TF: variants seen among roughly 807,000 people sequenced by gnomAD.
The protein encoded by TF is transferrin.
TF carries 55 observed loss-of-function variants against 82.4 expected under a neutral mutation model. The ratio of observed to expected loss-of-function variants is 0.67; its 90% CI spans 0.54 to 0.84. The LOEUF is 0.84. Among genes scored for constraint, TF ranks in the 40% least tolerant of loss-of-function variants. TF has a pLI of 0.00. For synonymous variants in TF, 332 were observed against 332.6 expected (o/e 1.00, Z 0.02); for missense variants, 737 against 868.4 (o/e 0.85, Z 1.90).
the TF span, among the ~76,000 whole-genome samples, chr3:133,726,249 T>C: frequency 6.6e-6 from 1 of 152,254 alleles, no homozygotes; most frequent in Admixed American, 6.5e-5. Context: ...TTCCTCCTTG[T>C]ACCTCTGGTA....
At chr3:133,689,566 T>C in the TF span, among the ~76,000 whole-genome samples, 2 of 152,108 alleles carry the variant, frequency 1.3e-5, no homozygotes, top group Non-Finnish European at 2.9e-5. Context: ...AGTACATGCA[T>C]GAAATTTTAA....
rs1488474362 is a variant in TF, at chr3:133,782,434, C to CAT, written c.*3815_*3816insTA. The CAT allele has an allele frequency of 6.6e-6, 1 of 152,084 alleles. No homozygotes were observed. The highest frequency in any genetic ancestry group is 2.4e-5 in the African/African-American group (1 of 41,372). The allele number at this position is 152,084 out of a possible 1,614,324, so 9.4% of individuals were successfully genotyped here. A position where few individuals can be genotyped will look rare whatever the true frequency, so the allele number is the denominator to read the frequency against. On this transcript the variant is annotated 3_prime_UTR_variant, in exon 17 of 17. Coordinates refer to ENST00000402696, the MANE Select transcript of TF (RefSeq NM_001063.4). ...TAAAGAAACTGTATACACACACACA[C>CAT]ACACACAATGGAATATTATTCAGCC...
At chr3:133,711,898 A>G in the TF span, among the ~76,000 whole-genome samples, 1 of 151,946 alleles carries the variant, frequency 6.6e-6, no homozygotes. Flanking sequence ...GAAGGCCTCC[A>G]TGAGGCTCTC....
intron 16 of TF, chr3:133,777,492 G>A (rs1934425821): frequency 4.0e-6 from 2 of 496,394 alleles, no homozygotes; most frequent in East Asian, 3.6e-5. Flanking sequence ...TTATTTCTAA[G>A]AAAAGGACTG....
In TF at chr3:133,756,255, C is replaced by T. The variant is rs746396662; in HGVS notation, c.636-27C>T. On this transcript the variant is annotated intron_variant, in intron 5 of 16. Transcript: ENST00000402696. The stretch of plus-strand genomic sequence containing the variant: ...AGGAGAAGGGCCTGCCCTGCAGGAG[C>T]CCTGCTGATGTGTTTCTTTGACCCA... 3.7e-6 allele frequency: 6 copies of T among 1,612,544 alleles called. No homozygotes were observed. In the Admixed American group the frequency reaches 8.3e-5, roughly 22 times the overall value.
Position 133,790,306 on chromosome 3 carries a change from C to T in TF, c.*11686C>T, listed in dbSNP as rs545852763. ...ATATCTGATAGTTCAGGATTTCTAG[C>T]TTTTTAGCGTTTCACTAAAGTTTTA... On this transcript the variant is annotated 3_prime_UTR_variant, in exon 17 of 17. Coordinates refer to ENST00000402696, the MANE Select transcript of TF (RefSeq NM_001063.4). 6.6e-6 allele frequency: 1 copy of T among 152,220 alleles called. No homozygotes were observed. Among genetic ancestry groups the T allele is most frequent in the South Asian group, 2.1e-4 (1 of 4,820 alleles). 9.4% of individuals were successfully genotyped at this position (152,220 alleles called of 1,614,324 possible).
upstream of TF, among the ~76,000 whole-genome samples, chr3:133,742,207 C>T (rs574865522): frequency 3.9e-5 from 6 of 152,246 alleles, no homozygotes; most frequent in Admixed American, 2.0e-4. Context: ...GTCTTGAACT[C>T]GTGAGCTCAA....
At chr3:133,750,297 A>G (rs1174183002) in intron 2 of TF, among the ~76,000 whole-genome samples, 1 of 152,154 alleles carries the variant, frequency 6.6e-6, no homozygotes, top group Non-Finnish European at 1.5e-5. Context: ...GCCATGCCAG[A>G]GTCTGGTCAG....
the TF span, among the ~76,000 whole-genome samples, chr3:133,665,756 C>A: frequency 6.6e-6 from 1 of 151,686 alleles, no homozygotes; most frequent in South Asian, 2.1e-4. Context: ...ACCAGCCTGA[C>A]CAACATGAAG....
intron 2 of TF, among the ~76,000 whole-genome samples, chr3:133,750,779 A>AT (rs1184617909): frequency 2.6e-5 from 4 of 151,684 alleles, no homozygotes; most frequent in Non-Finnish European, 5.9e-5. Flanking sequence ...TTTTTTAAAA[A>AT]ATATATATAT....
chr3:133,776,005 T>C (rs2715627), intron 15 of TF, among the ~76,000 whole-genome samples: 36,707 of 152,136 alleles, frequency 0.24, 4,678 homozygotes, highest in Middle Eastern at 0.28. Flanking sequence ...ATTATGGAAC[T>C]AGACCTCTCA....
upstream of TF, chr3:133,746,177 TGTC>T: frequency 1.7e-6 from 1 of 577,128 alleles, no homozygotes; most frequent in South Asian, 1.9e-5. Flanking sequence ...TTGTGCTTCA[TGTC>T]CCTTCCCATC....
rs41296598 is a variant in TF at position 133,775,550 on chromosome 3, C to T, written c.1805C>T (p.Pro602Leu). Reference sequence around the variant, plus strand: ...GCGAACTGCCACCTGGCCAGAGCCCCGAATCACGCTGTGGTCACACGGAAA... The same window carrying T: ...GCGAACTGCCACCTGGCCAGAGCCCTGAATCACGCTGTGGTCACACGGAAA... ...EYANCHLARA[P>L]NHAVVTRKDK... The change falls in exon 15 of 17, where the codon CCG becomes CTG. Residue 602 changes from proline (P) to leucine (L), a missense_variant. By Grantham distance (98) the Pro-to-Leu change is moderately conservative. Transcript: ENST00000402696. The T allele has an allele frequency of 3.6e-5, 58 of 1,614,154 alleles. No individual in the cohort carries two copies. Among genetic ancestry groups the T allele is most frequent in the East Asian group, 1.6e-4 (7 of 44,880 alleles).
At chr3:133,709,770 G>T in the TF span, 1 of 152,820 alleles carries the variant, frequency 6.5e-6, no homozygotes, top group African/African-American at 2.4e-5. Flanking sequence ...GCCATAAATG[G>T]GTGGTGAGCT....
chr3:133,721,524 G>C, the TF span, among the ~76,000 whole-genome samples: 2 of 152,146 alleles, frequency 1.3e-5, no homozygotes, highest in Non-Finnish European at 2.9e-5. Context: ...CCTAGAGAAT[G>C]TCCCATGTGC....
chr3:133,755,784 A>C (rs1933809302), intron 5 of TF: 1 of 507,740 alleles, frequency 2.0e-6, no homozygotes, highest in African/African-American at 1.9e-5. Context: ...CAGAGCCTGA[A>C]AGGACAATCA....
rs41296622 is a variant in TF, at chr3:133,778,421, GT to G, written c.2063-164del. ...ACTCCCCAGGATAGGCACAGGAGCT[GT>G]GCAGGCAAGTAGAAAAGAGCACTGG... is the stretch of plus-strand genomic sequence containing the variant. On this transcript the variant is annotated intron_variant, in intron 16 of 16. Coordinates refer to ENST00000402696, the MANE Select transcript of TF (RefSeq NM_001063.4). The G allele has an allele frequency of 1.5e-3, 975 of 655,242 alleles. 6 individuals are homozygous for G. In the African/African-American group the frequency reaches 0.015, roughly 10 times the overall value. 40.6% of individuals were successfully genotyped at this position (655,242 alleles called of 1,614,324 possible). A position where few individuals can be genotyped will look rare whatever the true frequency, so the allele number is the denominator to read the frequency against.
chr3:133,699,541 C>T, the TF span: 1 of 901,884 alleles, frequency 1.1e-6, no homozygotes, highest in South Asian at 1.3e-5. Context: ...TGCCATTTGG[C>T]CTGGGTCCTT....
chr3:133,750,506 CTG>C (rs373883897), intron 2 of TF, among the ~76,000 whole-genome samples: 22 of 152,282 alleles, frequency 1.4e-4, no homozygotes, highest in African/African-American at 5.3e-4. Context: ...AGCCTTCTCT[CTG>C]TAGCTTTCCC....
Sources: allele counts gnomAD v4.1 joint callset (sites outside exome capture counted in the v4.1 genomes callset), GRCh38; gene constraint gnomAD v4.1.1; transcripts MANE v1.5; gene names NCBI Gene and HGNC (gene_info 2026-07-23, HGNC 2026-07-21).